The following PCDH15 variants were observed in gnomAD, a reference collection of about 807,000 sequenced individuals.
The protein encoded by PCDH15 is protocadherin related 15, also known as protocadherin-15.
Under a neutral mutation model 178.5 loss-of-function variants are expected in PCDH15, and 129 were observed. The observed-to-expected ratio is 0.72, with a 90% confidence interval of 0.63 to 0.84. The LOEUF (loss-of-function observed/expected upper bound fraction) is 0.84, where lower values mean the gene tolerates loss of function less well. Ranked by LOEUF, PCDH15 falls within the 40% of genes least tolerant of loss-of-function variation. The pLI is 0.00. For missense variants in PCDH15, 2,230 were observed against 2,099.9 expected, an observed-to-expected ratio of 1.06 and a Z score of -1.21; for synonymous variants, 800 against 732.0, an observed-to-expected ratio of 1.09 and a Z score of -1.50.
intron 18 of PCDH15, among the ~76,000 whole-genome samples, chr10:54,038,663 T>A (rs2093472413): frequency 6.6e-6 from 1 of 151,896 alleles, no homozygotes; most frequent in African/African-American, 2.4e-5. Context: ...GGCTAGCAGC[T>A]GTACATCCCT....
At chr10:54,638,401 G>A (rs2093911849) in intron 2 of PCDH15, among the ~76,000 whole-genome samples, 1 of 151,860 alleles carries the variant, frequency 6.6e-6, no homozygotes, top group Admixed American at 6.6e-5. Flanking sequence ...TTGAATTTGA[G>A]GTAAGAAATA....
At position 54,587,645 on chromosome 10, in the gene PCDH15, G is replaced by T. The variant is rs568881265; in HGVS notation, c.92-59768C>A. Among the ~76,000 whole-genome samples the T allele has an allele frequency of 7.2e-5, 11 of 152,212 alleles. No individual in the cohort carries two copies. The East Asian group carries it at 2.1e-3, about 29-fold the overall frequency. On this transcript the variant is annotated intron_variant, in intron 2 of 37. Transcript: ENST00000644397. Reference sequence around the variant, plus strand: ...TCCAAATTTAAGATTATGACAATTTGCCAAGGCATAAAACATTGCCCCCTT... The same window carrying T: ...TCCAAATTTAAGATTATGACAATTTTCCAAGGCATAAAACATTGCCCCCTT...
intron 1 of PCDH15, among the ~76,000 whole-genome samples, chr10:54,796,670 T>A (rs1334536075): frequency 6.6e-6 from 1 of 151,908 alleles, no homozygotes; most frequent in Non-Finnish European, 1.5e-5. Flanking sequence ...TGTCTCTAAC[T>A]TTTATTATGT....
chr10:54,879,837 A>T (rs1954227839), intron 3 of PCDH15, among the ~76,000 whole-genome samples: 1 of 152,046 alleles, frequency 6.6e-6, no homozygotes, highest in Non-Finnish European at 1.5e-5. Flanking sequence ...ATAGAATGTT[A>T]GTAGTGAATA....
chr10:55,400,222 A>G (rs1309097308), intron 2 of PCDH15, among the ~76,000 whole-genome samples: 1 of 152,052 alleles, frequency 6.6e-6, no homozygotes, highest in Admixed American at 6.6e-5. Flanking sequence ...TATTTGTTGG[A>G]ATGGAGTCCT....
At chr10:54,251,085 A>C (rs2056433602) in intron 8 of PCDH15, among the ~76,000 whole-genome samples, 1 of 152,180 alleles carries the variant, frequency 6.6e-6, no homozygotes, top group South Asian at 2.1e-4. Context: ...TGTATATATG[A>C]GAATGATGTT....
intron 2 of PCDH15, among the ~76,000 whole-genome samples, chr10:54,903,169 G>A (rs1052425379): frequency 5.9e-5 from 9 of 152,204 alleles, no homozygotes; most frequent in African/African-American, 2.2e-4. Context: ...GACTAGGTAC[G>A]AAAGAAAAGA....
At chr10:55,032,078 A>G (rs1400280389) in intron 2 of PCDH15, among the ~76,000 whole-genome samples, 3 of 152,184 alleles carry the variant, frequency 2.0e-5, no homozygotes, top group African/African-American at 7.2e-5. Context: ...GGATCTACCA[A>G]GGGCTCAGAA....
chr10:55,463,267 A>C (rs1400518261), intron 2 of PCDH15, among the ~76,000 whole-genome samples: 1 of 152,172 alleles, frequency 6.6e-6, no homozygotes, highest in Admixed American at 6.6e-5. Flanking sequence ...GACTAGAGTT[A>C]TACTGATAAG....
chr10:54,011,464 A>G (rs1198241985), intron 20 of PCDH15, among the ~76,000 whole-genome samples: 1 of 152,192 alleles, frequency 6.6e-6, no homozygotes, highest in Non-Finnish European at 1.5e-5. Flanking sequence ...GGGAAAGAAC[A>G]TAAAGCCTGA....
At chr10:54,509,943 T>C (rs957842313) in intron 3 of PCDH15, among the ~76,000 whole-genome samples, 7 of 152,190 alleles carry the variant, frequency 4.6e-5, no homozygotes, top group Non-Finnish European at 7.4e-5. Context: ...GTGTGACTTC[T>C]TCCCATGCTG....
intron 3 of PCDH15, among the ~76,000 whole-genome samples, chr10:54,493,433 T>C (rs1433191511): frequency 1.3e-5 from 2 of 152,020 alleles, no homozygotes; most frequent in Non-Finnish European, 2.9e-5. Context: ...TATTGGCATA[T>C]TGTATCCTGT....
intron 25 of PCDH15, among the ~76,000 whole-genome samples, chr10:53,915,443 T>G (rs2133821427): frequency 6.6e-6 from 1 of 152,362 alleles, no homozygotes; most frequent in South Asian, 2.1e-4. Flanking sequence ...TTAATTAGCC[T>G]TTGCATAATA....
chr10:55,577,636 G>A (rs1842521886), intron 2 of PCDH15, among the ~76,000 whole-genome samples: 1 of 151,834 alleles, frequency 6.6e-6, no homozygotes, highest in Non-Finnish European at 1.5e-5. Context: ...CCATATTCCT[G>A]GTAAAAGACA....
intron 3 of PCDH15, among the ~76,000 whole-genome samples, chr10:54,441,797 T>C (rs2075805813): frequency 6.6e-6 from 1 of 151,796 alleles, no homozygotes; most frequent in Middle Eastern, 3.4e-3. Flanking sequence ...ATTAGAGGGA[T>C]AAGGAATAAT....
intron 2 of PCDH15, among the ~76,000 whole-genome samples, chr10:54,971,882 G>C (rs532306924): frequency 2.6e-4 from 40 of 152,268 alleles, no homozygotes; most frequent in African/African-American, 8.7e-4. Flanking sequence ...CTCTGGTTTA[G>C]AGTAATTAAG....
intron 16 of PCDH15, among the ~76,000 whole-genome samples, chr10:54,086,623 T>C (rs1416491951): frequency 6.6e-6 from 1 of 152,140 alleles, no homozygotes. Flanking sequence ...CAGGCTACTC[T>C]ATAAATATCA....
At chr10:54,978,711 C>T (rs139868487) in intron 2 of PCDH15, among the ~76,000 whole-genome samples, 3 of 152,262 alleles carry the variant, frequency 2.0e-5, no homozygotes, top group Non-Finnish European at 2.9e-5. Flanking sequence ...TCAAACTCTA[C>T]CTTTTTTACC....
At chr10:54,406,077 G>C (rs117821324) in intron 3 of PCDH15, among the ~76,000 whole-genome samples, 2,555 of 152,156 alleles carry the variant, frequency 0.017, 32 homozygotes, top group Non-Finnish European at 0.028. Flanking sequence ...AACAGTTATT[G>C]TATGGAACAG....
Sources: gnomAD v4.1 joint callset for allele counts (sites outside exome capture counted in the v4.1 genomes callset) on GRCh38, gnomAD v4.1.1 for gene constraint, MANE v1.5 for transcripts, NCBI Gene and HGNC (gene_info 2026-07-23, HGNC 2026-07-21) for gene names.